The following TMEM144 variants were observed in gnomAD, a reference collection of about 807,000 sequenced individuals.
The protein encoded by TMEM144 is transmembrane protein 144.
Under a neutral mutation model 43.6 loss-of-function variants are expected in TMEM144, and 39 were observed. The ratio of observed to expected loss-of-function variants is 0.90; its 90% confidence interval spans 0.69 to 1.17. TMEM144 has a LOEUF of 1.17. Ranked by LOEUF, TMEM144 falls within the 50% of genes most tolerant of loss-of-function variation. The probability of loss-of-function intolerance (pLI) is 0.00; values close to 1 mark genes in which losing one functional copy is unlikely to be tolerated. For synonymous variants in TMEM144, 154 were observed against 133.6 expected, an observed-to-expected ratio of 1.15 and a Z score of -1.06; for missense variants, 417 against 411.9, an observed-to-expected ratio of 1.01 and a Z score of -0.11.
chr4:158,217,893 C>G (rs937820837), intron 5 of TMEM144, among the ~76,000 whole-genome samples: 8 of 152,150 alleles, frequency 5.3e-5, no homozygotes, highest in Non-Finnish European at 1.0e-4. Flanking sequence ...GCAGGGTTGG[C>G]AAAGCACGGT....
chr4:158,217,871 C>A (rs1248770120), intron 5 of TMEM144, among the ~76,000 whole-genome samples: 2 of 152,180 alleles, frequency 1.3e-5, no homozygotes, highest in Non-Finnish European at 2.9e-5. Flanking sequence ...AGCACATATT[C>A]TTTCCTCTAG....
At chr4:158,244,477 C>T in intron 12 of TMEM144, 128 bp downstream of exon 12, 1 of 668,602 alleles carries the variant, frequency 1.5e-6, no homozygotes, top group South Asian at 1.8e-5. Context: ...CAAGACCAGC[C>T]TGGCCGAGAT....
chr4:158,225,005 G>A (rs949486931), intron 6 of TMEM144, among the ~76,000 whole-genome samples: 6 of 152,154 alleles, frequency 3.9e-5, no homozygotes, highest in Admixed American at 1.3e-4. Context: ...GTTATGCAGG[G>A]ATTTTCACAG....
intron 5 of TMEM144, 117 bp from the exon 6 acceptor site, chr4:158,219,193 A>C: frequency 1.1e-6 from 1 of 937,224 alleles, no homozygotes; most frequent in Admixed American, 1.9e-5. Flanking sequence ...AGTCACAGCT[A>C]ATAAGTGAGA....
chr4:158,212,974 C>T, intron 3 of TMEM144, 198 bp downstream of exon 3: 1 of 605,562 alleles, frequency 1.7e-6, no homozygotes, highest in Non-Finnish European at 2.9e-6. Context: ...AAGGTTGTTT[C>T]ATGGTAAAGT....
chr4:158,216,436 G>T (rs1560820528), intron 4 of TMEM144, among the ~76,000 whole-genome samples: 1 of 152,188 alleles, frequency 6.6e-6, no homozygotes, highest in Non-Finnish European at 1.5e-5. Flanking sequence ...GTTTGAAAGA[G>T]AAAATGATGG....
chr4:158,232,535 C>G (rs1370531987), intron 6 of TMEM144, among the ~76,000 whole-genome samples: 1 of 152,204 alleles, frequency 6.6e-6, no homozygotes, highest in African/African-American at 2.4e-5. Context: ...TGTCCCCTAG[C>G]GTTTGTCCAA....
chr4:158,238,963 A>T (rs773376666), intron 9 of TMEM144, among the ~76,000 whole-genome samples: 1 of 152,226 alleles, frequency 6.6e-6, no homozygotes, highest in Non-Finnish European at 1.5e-5. Context: ...CATTTATTTA[A>T]AAACACATAT....
At chr4:158,245,726 A>G (rs969761797) in intron 12 of TMEM144, among the ~76,000 whole-genome samples, 1 of 152,016 alleles carries the variant, frequency 6.6e-6, no homozygotes, top group Admixed American at 6.6e-5. Flanking sequence ...GGAGTTTGAG[A>G]CCAGCCTAGG....
chr4:158,210,630 G>C lies in TMEM144; in HGVS notation c.-183+44G>C, dbSNP rs1340599663. 3 of 152,248 alleles carry C rather than the reference G, an allele frequency of 2.0e-5. No individual in the cohort carries two copies. The East Asian group carries it at 5.8e-4, about 29-fold the overall frequency. The allele number at this position is 152,248 out of a possible 1,614,324, so 9.4% of individuals were successfully genotyped here. A position where few individuals can be genotyped will look rare whatever the true frequency, so the allele number is the denominator to read the frequency against. ...AGGAAAGCCAAGTCGCTTTGCAGGGGAGCGTCTCATGATTTTTCAGAAACG... is the reference window on the plus strand; with the variant it reads ...AGGAAAGCCAAGTCGCTTTGCAGGGCAGCGTCTCATGATTTTTCAGAAACG... On this transcript the variant is annotated intron_variant, in intron 1 of 12. Transcript: ENST00000296529.
chr4:158,237,646 G>A lies in TMEM144; in HGVS notation c.682+3G>A, dbSNP rs1279129398. Reference sequence around the variant, plus strand: ...ATATGCAGGGGCAAGCCAATATGGTGAGAATAAAAAGTTATCTTACTTTAT... The same window carrying A: ...ATATGCAGGGGCAAGCCAATATGGTAAGAATAAAAAGTTATCTTACTTTAT... On this transcript the variant is annotated splice_donor_region_variant and intron_variant, in intron 9 of 12. Transcript: ENST00000296529. 2.5e-6 allele frequency: 4 copies of A among 1,581,292 alleles called. No homozygotes were observed. The Admixed American group carries it at 6.9e-5, about 27-fold the overall frequency.
intron 4 of TMEM144, 22 bp from the exon 5 acceptor site, chr4:158,217,295 GTTTC>G: frequency 6.9e-7 from 1 of 1,443,458 alleles, no homozygotes; most frequent in Non-Finnish European, 9.6e-7. Flanking sequence ...GAAATAACAT[GTTTC>G]TTCTGTATAT....
intron 6 of TMEM144, among the ~76,000 whole-genome samples, chr4:158,228,711 A>G (rs994170887): frequency 6.6e-5 from 10 of 152,310 alleles, no homozygotes; most frequent in Admixed American, 2.0e-4. Flanking sequence ...TGCATCGACC[A>G]TCTGCCAATC....
chr4:158,237,142 A>G (rs568728444), intron 8 of TMEM144, among the ~76,000 whole-genome samples: 35 of 152,328 alleles, frequency 2.3e-4, no homozygotes, highest in Non-Finnish European at 2.2e-4. Flanking sequence ...TAAAATTTTT[A>G]AAAAATCATA....
At chr4:158,214,320 G>A (rs1490289737) in intron 3 of TMEM144, among the ~76,000 whole-genome samples, 2 of 152,228 alleles carry the variant, frequency 1.3e-5, no homozygotes, top group East Asian at 1.9e-4. Context: ...AAGCCACCAC[G>A]CCTGGCTGAT....
At chr4:158,227,362 A>T (rs1214635950) in intron 6 of TMEM144, among the ~76,000 whole-genome samples, 1 of 152,124 alleles carries the variant, frequency 6.6e-6, no homozygotes, top group Non-Finnish European at 1.5e-5. Context: ...AGGATTTTTG[A>T]TAGGAAGGCC....
intron 6 of TMEM144, among the ~76,000 whole-genome samples, chr4:158,221,803 C>T (rs1036982328): frequency 1.3e-5 from 2 of 152,074 alleles, no homozygotes; most frequent in African/African-American, 2.4e-5. Flanking sequence ...AACTACACAT[C>T]TCTACACATA....
chr4:158,237,412 G>A (rs1735403386), intron 8 of TMEM144, 113 bp from the exon 9 acceptor site: 1 of 770,240 alleles, frequency 1.3e-6, no homozygotes, highest in Admixed American at 2.3e-5. Context: ...ATAAATGGAT[G>A]GTTTTTGCTT....
At chr4:158,250,676 T>C (rs1164253366) in intron 12 of TMEM144, among the ~76,000 whole-genome samples, 1 of 152,166 alleles carries the variant, frequency 6.6e-6, no homozygotes, top group Non-Finnish European at 1.5e-5. Flanking sequence ...AAGCCTACAC[T>C]TTGCATGGCC....
Sources: gnomAD v4.1 joint callset for allele counts (sites outside exome capture counted in the v4.1 genomes callset) on GRCh38, gnomAD v4.1.1 for gene constraint, MANE v1.5 for transcripts, NCBI Gene and HGNC (gene_info 2026-07-23, HGNC 2026-07-21) for gene names.